Variants in SEMA3A observed in about 807,000 individuals in gnomAD.
SEMA3A encodes semaphorin 3A.
Under a neutral mutation model 97.9 loss-of-function variants are expected in SEMA3A, and 29 were observed. That is an observed-to-expected ratio of 0.30 (90% CI 0.22 to 0.40). SEMA3A has a LOEUF of 0.40. Among genes scored for constraint, SEMA3A ranks in the 10% least tolerant of loss-of-function variants. The pLI, the probability that SEMA3A is intolerant of heterozygous loss-of-function variation, is 1.00. For synonymous variants in SEMA3A, 321 were observed against 323.7 expected, an observed-to-expected ratio of 0.99 and a Z score of 0.09; for missense variants, 763 against 951.3, an observed-to-expected ratio of 0.80 and a Z score of 2.60.
chr7:84,280,338 C>T (rs991787284), intron 3 of SEMA3A, among the ~76,000 whole-genome samples: 14 of 152,136 alleles, frequency 9.2e-5, no homozygotes, highest in Non-Finnish European at 2.1e-4. Context: ...ACTATAAGAT[C>T]TGTGATGGCA....
chr7:84,269,806 G>A (rs1800098589), intron 3 of SEMA3A, among the ~76,000 whole-genome samples: 1 of 151,884 alleles, frequency 6.6e-6, no homozygotes, highest in Admixed American at 6.6e-5. Context: ...TTACTTTTAG[G>A]TAAAATATTT....
rs561899884 is a variant in SEMA3A, at chr7:84,364,246, A to G, written c.-169+7578T>C. Among the ~76,000 whole-genome samples the G allele has an allele frequency of 4.6e-5, 7 of 151,886 alleles. No homozygotes were observed. In the East Asian group the frequency reaches 1.2e-3, roughly 25 times the overall value. On this transcript the variant is annotated intron_variant, in intron 2 of 3. Coordinates refer to the SEMA3A transcript ENST00000424555. ...AGAATGTAACTAGATTCTGAAATCA[A>G]TAAGTTTCATATACTGACATAATCC... is the stretch of plus-strand genomic sequence containing the variant.
chr7:84,324,541 T>G (rs1461921377), intron 2 of SEMA3A, among the ~76,000 whole-genome samples: 1 of 152,160 alleles, frequency 6.6e-6, no homozygotes, highest in African/African-American at 2.4e-5. Context: ...CAAATGCTGT[T>G]TTGGCTGATA....
At chr7:84,309,616 G>A (rs1446518416) in intron 2 of SEMA3A, among the ~76,000 whole-genome samples, 2 of 152,158 alleles carry the variant, frequency 1.3e-5, no homozygotes, top group Non-Finnish European at 2.9e-5. Context: ...GCATTGGTCT[G>A]TAGAACATAT....
intron 2 of SEMA3A, among the ~76,000 whole-genome samples, chr7:84,354,403 A>G (rs1352842515): frequency 6.6e-6 from 1 of 151,674 alleles, no homozygotes; most frequent in Admixed American, 6.6e-5. Flanking sequence ...TAATTGTAAG[A>G]TGGTATGAAT....
chr7:84,376,477 G>A lies in SEMA3A; in HGVS notation c.-245-4577C>T, dbSNP rs553318294. 1.4e-3 allele frequency among the ~76,000 whole-genome samples: 205 copies of A among 142,082 alleles called. 22 individuals are homozygous for A. Among genetic ancestry groups the A allele is most frequent in the Admixed American group, 2.4e-3 (33 of 13,610 alleles). 93.2% of individuals were successfully genotyped at this position (142,082 alleles called of 152,430 possible). ...AAATTAGCCGGGCGTGGTGGCGGGC[G>A]CCTGTAGTCCCAGCTACTTGGGAGG... On this transcript the variant is annotated intron_variant, in intron 1 of 3. Coordinates refer to the SEMA3A transcript ENST00000424555.
intron 3 of SEMA3A, among the ~76,000 whole-genome samples, chr7:84,238,382 A>T (rs1195261344): frequency 6.6e-6 from 1 of 152,046 alleles, no homozygotes; most frequent in Non-Finnish European, 1.5e-5. Context: ...ACCAATTTTC[A>T]ACTGAACTTG....
At chr7:83,969,086 C>T (rs894291450) in intron 15 of SEMA3A, among the ~76,000 whole-genome samples, 1 of 152,154 alleles carries the variant, frequency 6.6e-6, no homozygotes, top group Non-Finnish European at 1.5e-5. Flanking sequence ...GCTGGGATTA[C>T]AGGCATGAGC....
intron 2 of SEMA3A, among the ~76,000 whole-genome samples, chr7:84,335,500 T>C (rs1802014627): frequency 6.6e-6 from 1 of 152,180 alleles, no homozygotes. Context: ...AGATCTATCT[T>C]AATATCTATT....
At chr7:84,068,584 T>C (rs1056219760) in intron 4 of SEMA3A, among the ~76,000 whole-genome samples, 1 of 152,100 alleles carries the variant, frequency 6.6e-6, no homozygotes. Context: ...AACGAAGTGG[T>C]AGTGTGGTAG....
At chr7:83,962,355 A>G (rs1469135654) in intron 16 of SEMA3A, among the ~76,000 whole-genome samples, 1 of 152,144 alleles carries the variant, frequency 6.6e-6, no homozygotes, top group African/African-American at 2.4e-5. Flanking sequence ...ATATTTTTGA[A>G]TATTTGTAAC....
rs144980475 is a variant in SEMA3A at position 84,076,054 on chromosome 7, T to A, written c.454-15496A>T. Reference sequence around the variant, plus strand: ...ATCCTCTACCGATTCCAGGATTAAATGAAATAAAAATGTGTATTAACATAA... The same window carrying A: ...ATCCTCTACCGATTCCAGGATTAAAAGAAATAAAAATGTGTATTAACATAA... On this transcript the variant is annotated intron_variant, in intron 4 of 16. Transcript: ENST00000265362. 3.1e-3 allele frequency among the ~76,000 whole-genome samples: 476 copies of A among 152,240 alleles called. 2 individuals are homozygous for A. Among genetic ancestry groups the A allele is most frequent in the African/African-American group, 0.011 (459 of 41,548 alleles).
chr7:84,212,063 C>T (rs1798642034), intron 3 of SEMA3A, among the ~76,000 whole-genome samples: 1 of 152,122 alleles, frequency 6.6e-6, no homozygotes. Flanking sequence ...CAGAGCATTG[C>T]ATGTACTATT....
intron 3 of SEMA3A, among the ~76,000 whole-genome samples, chr7:84,119,897 T>C (rs920132402): frequency 2.6e-5 from 4 of 152,260 alleles, no homozygotes; most frequent in Middle Eastern, 3.4e-3. Context: ...TAAAAGTATG[T>C]ACACTGATGC....
chr7:84,412,945 C>T (rs1804312340), intron 1 of SEMA3A, among the ~76,000 whole-genome samples: 1 of 152,122 alleles, frequency 6.6e-6, no homozygotes, highest in African/African-American at 2.4e-5. Context: ...CATACACACA[C>T]ACTCACACAC....
At chr7:83,968,640 T>C (rs947680098) in intron 15 of SEMA3A, among the ~76,000 whole-genome samples, 3 of 152,176 alleles carry the variant, frequency 2.0e-5, no homozygotes, top group Non-Finnish European at 2.9e-5. Context: ...TCTCTCAGTC[T>C]TCTTGCTCTA....
At chr7:84,096,946 T>G (rs772762316) in intron 4 of SEMA3A, among the ~76,000 whole-genome samples, 3 of 152,138 alleles carry the variant, frequency 2.0e-5, no homozygotes, top group Non-Finnish European at 2.9e-5. Flanking sequence ...TTTAAAATGT[T>G]TCCATATTGC....
At chr7:84,048,903 A>G (rs1179839535) in intron 5 of SEMA3A, among the ~76,000 whole-genome samples, 1 of 152,018 alleles carries the variant, frequency 6.6e-6, no homozygotes, top group African/African-American at 2.4e-5. Flanking sequence ...AACAACTAAA[A>G]ACTATTACTT....
In SEMA3A at chr7:83,959,241, A is replaced by G. The variant is rs764189002; in HGVS notation, c.*2130T>C. 6.6e-6 allele frequency: 1 copy of G among 151,956 alleles called. No homozygotes were observed. Among genetic ancestry groups the G allele is most frequent in the African/African-American group, 2.4e-5 (1 of 41,450 alleles). The allele number at this position is 151,956 out of a possible 1,614,324, so 9.4% of individuals were successfully genotyped here. A position where few individuals can be genotyped will look rare whatever the true frequency, so the allele number is the denominator to read the frequency against. The stretch of plus-strand genomic sequence containing the variant: ...AATCCTTTATTTCTGAGGATGAATA[A>G]TAAGATATTTCTGCTATCGCAAATA... On this transcript the variant is annotated 3_prime_UTR_variant, in exon 17 of 17. Transcript: ENST00000265362.
Sources: allele counts gnomAD v4.1 joint callset (sites outside exome capture counted in the v4.1 genomes callset), GRCh38; gene constraint gnomAD v4.1.1; transcripts MANE v1.5; gene names NCBI Gene and HGNC (gene_info 2026-07-23, HGNC 2026-07-21).